Variants in MMS22L observed in about 807,000 individuals in gnomAD.
MMS22L encodes the protein protein MMS22-like.
Under a neutral mutation model 159.1 loss-of-function variants are expected in MMS22L, and 74 were observed. The ratio of observed to expected loss-of-function variants is 0.47; its 90% confidence interval spans 0.39 to 0.56. MMS22L has a LOEUF of 0.56. Ranked by LOEUF, MMS22L falls within the 20% of genes least tolerant of loss-of-function variation. The pLI is 0.00. For synonymous variants in MMS22L, 517 were observed against 506.9 expected (o/e 1.02, Z -0.27); for missense variants, 1,351 against 1,422.1 (o/e 0.95, Z 0.80).
intron 14 of MMS22L, among the ~76,000 whole-genome samples, chr6:97,200,504 C>T (rs1272920495): frequency 6.6e-6 from 1 of 152,044 alleles, no homozygotes; most frequent in Non-Finnish European, 1.5e-5. Flanking sequence ...ACCGATTTAT[C>T]TGGTATCTGC....
At chr6:97,226,534 C>G (rs568721890) in intron 14 of MMS22L, among the ~76,000 whole-genome samples, 1 of 152,192 alleles carries the variant, frequency 6.6e-6, no homozygotes, top group South Asian at 2.1e-4. Context: ...GCGGAGGTTG[C>G]AGTGAGCCGA....
In MMS22L at chr6:97,246,667, G is replaced by A; in HGVS notation, c.1143C>T (p.Asn381=). 6.2e-7 allele frequency: 1 copy of A among 1,610,794 alleles called. No individual in the cohort carries two copies. Among genetic ancestry groups the A allele is most frequent in the South Asian group, 1.1e-5 (1 of 90,496 alleles). The change falls in exon 11 of 25, where the codon AAC becomes AAT. Residue 381 remains asparagine, a synonymous_variant. Transcript: ENST00000683635. ...DEMRKVESNW[N]FVEELLKKSI... Reference sequence around the variant, plus strand: ...ACTTTTTCAGCAGTTCTTCTACAAAGTTCCAATTTGATTCCACTTTTCTCT... The same window carrying A: ...ACTTTTTCAGCAGTTCTTCTACAAAATTCCAATTTGATTCCACTTTTCTCT...
chr6:97,281,067 T>C (rs1020901819), intron 3 of MMS22L, among the ~76,000 whole-genome samples, 170 bp downstream of exon 3: 5 of 152,312 alleles, frequency 3.3e-5, no homozygotes, highest in Non-Finnish European at 7.4e-5. Flanking sequence ...ATTAAAACCA[T>C]TACTCATCAG....
rs576606003 is a variant in MMS22L, at chr6:97,260,320, T to C, written c.942+3015A>G. 2.6e-4 allele frequency: 39 copies of C among 152,358 alleles called. 1 individual carries two copies. In the Middle Eastern group the frequency reaches 0.017, roughly 66 times the overall value. The allele number at this position is 152,358 out of a possible 1,614,324, so 9.4% of individuals were successfully genotyped here. A position where few individuals can be genotyped will look rare whatever the true frequency, so the allele number is the denominator to read the frequency against. On this transcript the variant is annotated intron_variant, in intron 9 of 24. Transcript: ENST00000683635. ...TATGTACAGTTATTTCCTCCTTGCC[T>C]ACCTTCCATCTCAACCATTTTCTCA...
In MMS22L at chr6:97,173,075, A is replaced by ATG; in HGVS notation, c.2826_2827insCA (p.Tyr943HisfsTer4). ...CAGGAATACATACCCATCATTCCAT[A>ATG]AGTCAGCTGCAGCCCTGCACTGAAA... On this transcript the variant is annotated frameshift_variant, in exon 19 of 25. Coordinates refer to ENST00000683635, the MANE Select transcript of MMS22L (RefSeq NM_001350599.2). LOFTEE classifies it high-confidence loss of function. The ATG allele has an allele frequency of 6.2e-7, 1 of 1,610,344 alleles. No homozygotes were observed.
chr6:97,176,036 C>T (rs1804081039), intron 18 of MMS22L, among the ~76,000 whole-genome samples: 2 of 152,096 alleles, frequency 1.3e-5, no homozygotes, highest in South Asian at 2.1e-4. Flanking sequence ...TTTGCATTGT[C>T]GTTCACGGAA....
rs199514659 is a variant in MMS22L, at chr6:97,181,876, T to G, written c.2384+28A>C. On this transcript the variant is annotated intron_variant, in intron 16 of 24. Coordinates refer to ENST00000683635, the MANE Select transcript of MMS22L (RefSeq NM_001350599.2). ...CTGATCTGTCACAGGTTTGCATTAA[T>G]GTGTATGCCTGAAATAAAAGCACGT... is the stretch of plus-strand genomic sequence containing the variant. 26 of 1,599,852 alleles carry G rather than the reference T, an allele frequency of 1.6e-5. No individual in the cohort carries two copies. The Admixed American group carries it at 4.4e-4, about 27-fold the overall frequency.
intron 10 of MMS22L, 161 bp downstream of exon 10, chr6:97,254,396 T>G (rs1813558595): frequency 1.6e-6 from 1 of 634,738 alleles, no homozygotes; most frequent in African/African-American, 1.8e-5. Context: ...ACATAAACTT[T>G]ATAATTTTTC....
intron 10 of MMS22L, among the ~76,000 whole-genome samples, chr6:97,253,281 T>C (rs1582800661): frequency 6.6e-6 from 1 of 152,256 alleles, no homozygotes; most frequent in East Asian, 1.9e-4. Flanking sequence ...GGATGACTTC[T>C]CAAAGCTGGG....
In MMS22L at chr6:97,263,426, A is replaced by G. The variant is rs1170163637; in HGVS notation, c.851T>C (p.Met284Thr). Residue 284 changes from methionine to threonine, a missense_variant, in exon 9 of 25, where the codon ATG becomes ACG. By Grantham distance (81) the Met-to-Thr change is moderately conservative. Transcript: ENST00000683635. ...YDKVRSSESL[M>T]SDQCPCLCIK... ...GCATAAACATGGACACTGGTCACTC[A>G]TTAATGATTCAGAAGACCTAACCTA... 10 of 1,579,672 alleles carry G rather than the reference A, an allele frequency of 6.3e-6. 1 individual carries two copies. Among genetic ancestry groups the G allele is most frequent in the South Asian group, 2.4e-5 (2 of 84,378 alleles).
Position 97,142,959 on chromosome 6 carries a change from G to A in MMS22L, c.*3847C>T, listed in dbSNP as rs2128228135. 2 of 152,576 alleles carry A rather than the reference G, an allele frequency of 1.3e-5. No homozygotes were observed. The highest frequency in any genetic ancestry group is 6.8e-3 in the Middle Eastern group (2 of 294). 9.5% of individuals were successfully genotyped at this position (152,576 alleles called of 1,614,324 possible). A position where few individuals can be genotyped will look rare whatever the true frequency, so the allele number is the denominator to read the frequency against. On this transcript the variant is annotated 3_prime_UTR_variant, in exon 25 of 25. Coordinates refer to ENST00000683635, the MANE Select transcript of MMS22L (RefSeq NM_001350599.2). The stretch of plus-strand genomic sequence containing the variant: ...ATGCTTAAGAAGAAAACATACGAAG[G>A]ATAGGTAAAGATATACAAGTTTTAA...
intron 21 of MMS22L, among the ~76,000 whole-genome samples, chr6:97,163,758 A>T (rs544922413): frequency 6.6e-6 from 1 of 152,210 alleles, no homozygotes; most frequent in South Asian, 2.1e-4. Context: ...CTGACATATC[A>T]GGTGTAGGTT....
chr6:97,228,471 A>G (rs974153064), intron 14 of MMS22L, among the ~76,000 whole-genome samples: 1 of 152,228 alleles, frequency 6.6e-6, no homozygotes, highest in Non-Finnish European at 1.5e-5. Context: ...GGAAAATTGT[A>G]TCTGGCCTCA....
intron 21 of MMS22L, among the ~76,000 whole-genome samples, chr6:97,164,046 C>T (rs911070130): frequency 6.6e-6 from 1 of 151,792 alleles, no homozygotes; most frequent in African/African-American, 2.4e-5. Flanking sequence ...GAAAAGTAAT[C>T]TGGGGGCATT....
intron 3 of MMS22L, 56 bp downstream of exon 3, chr6:97,281,181 T>C: frequency 6.5e-7 from 1 of 1,528,978 alleles, no homozygotes. Flanking sequence ...CCCAACAACG[T>C]AATTTACAAA....
rs767493184 is a variant in MMS22L at position 97,246,630 on chromosome 6, GA to G, written c.1179del (p.Gln394ArgfsTer5). 15 of 1,609,120 alleles carry G rather than the reference GA, an allele frequency of 9.3e-6. No individual in the cohort carries two copies. The Admixed American group carries it at 2.0e-4, about 22-fold the overall frequency. On this transcript the variant is annotated frameshift_variant, in exon 11 of 25. Transcript: ENST00000683635. LOFTEE classifies it high-confidence loss of function. ...VEELLKKSIS[V>X]QGVILEEQLR... ...ACTGTCTTACTTTAATTGCATACCTGAACACTGATGGACTTTTTCAGCAGTT... is the reference window on the plus strand; with the variant it reads ...ACTGTCTTACTTTAATTGCATACCTGACACTGATGGACTTTTTCAGCAGTT...
chr6:97,266,516 C>T (rs1162675217), intron 8 of MMS22L: 2 of 152,182 alleles, frequency 1.3e-5, no homozygotes, highest in Non-Finnish European at 2.9e-5. Flanking sequence ...CTGAGAAGCA[C>T]GTCTTTAGGC....
At chr6:97,200,927 TC>T (rs1807077430) in intron 14 of MMS22L, among the ~76,000 whole-genome samples, 2 of 152,056 alleles carry the variant, frequency 1.3e-5, no homozygotes, top group South Asian at 4.1e-4. Flanking sequence ...TCAAAATAAA[TC>T]TTAAGACAGT....
chr6:97,254,988 CTT>C (rs140756889), intron 9 of MMS22L, among the ~76,000 whole-genome samples: 11,416 of 152,018 alleles, frequency 0.075, 747 homozygotes, highest in African/African-American at 0.18. Context: ...CATTTCCTTG[CTT>C]TTTTGTTTCG....
Sources: allele counts gnomAD v4.1 joint callset (sites outside exome capture counted in the v4.1 genomes callset), GRCh38; gene constraint gnomAD v4.1.1; transcripts MANE v1.5; gene names NCBI Gene and HGNC (gene_info 2026-07-23, HGNC 2026-07-21).